NHS: variants seen among roughly 807,000 people sequenced by gnomAD.
The protein encoded by NHS is NHS actin remodeling regulator.
In NHS, 5 loss-of-function variants were observed where a neutral mutation model predicts 72.5. The ratio of observed to expected loss-of-function variants is 0.07; its 90% CI spans 0.04 to 0.14. NHS has a LOEUF of 0.14. NHS is among the 10% of genes least tolerant of loss of function. The pLI, the probability that NHS is intolerant of heterozygous loss-of-function variation, is 1.00. For missense variants in NHS, 1,072 were observed against 1,355.7 expected, an observed-to-expected ratio of 0.79 and a Z score of 3.29; for synonymous variants, 464 against 547.7, an observed-to-expected ratio of 0.85 and a Z score of 2.13.
At chrX:17,693,721 T>G (rs1392637114) in intron 3 of NHS, among the ~76,000 whole-genome samples, 2 of 112,811 alleles carry the variant, frequency 1.8e-5, no homozygotes, top group Non-Finnish European at 3.7e-5. Context: ...GCTCATCAAG[T>G]GCACACTGAG....
intron 1 of NHS, among the ~76,000 whole-genome samples, chrX:17,395,359 G>A (rs1352117104): frequency 8.9e-6 from 1 of 112,225 alleles, no homozygotes; most frequent in African/African-American, 3.2e-5. Context: ...GTGGCTGTAT[G>A]TCTGGTTCTA....
intron 1 of NHS, among the ~76,000 whole-genome samples, chrX:17,598,652 T>C (rs1308140266): frequency 9.0e-6 from 1 of 111,720 alleles, no homozygotes; most frequent in Non-Finnish European, 1.9e-5. Flanking sequence ...AGCTTACAGG[T>C]GGTAAACCTG....
At chrX:17,578,857 C>G (rs1402008036) in intron 1 of NHS, among the ~76,000 whole-genome samples, 1 of 111,907 alleles carries the variant, frequency 8.9e-6, no homozygotes, top group Non-Finnish European at 1.9e-5. Context: ...CGGCACTGCT[C>G]TCATCTCCTG....
chrX:17,657,776 A>G (rs968051418), intron 1 of NHS, among the ~76,000 whole-genome samples: 3 of 112,826 alleles, frequency 2.7e-5, no homozygotes, highest in Non-Finnish European at 5.6e-5. Flanking sequence ...GGATCCAGCC[A>G]TATGTATGGG....
chrX:17,397,180 G>A lies in NHS; in HGVS notation c.565+20858G>A, dbSNP rs187016609. Among the ~76,000 whole-genome samples the A allele has an allele frequency of 2.5e-3, 286 of 112,713 alleles. 4 individuals are homozygous for A. The highest frequency in any genetic ancestry group is 8.8e-3 in the African/African-American group (275 of 31,087). ...GCTTCCTGCTTTCAGCACAGAGCTG[G>A]AAATCTGCAGAACAACCCCAGGAGC... On this transcript the variant is annotated intron_variant, in intron 1 of 8. Coordinates refer to ENST00000676302, the MANE Select transcript of NHS (RefSeq NM_001291867.2).
chrX:17,720,911 G>A (rs748086124), intron 4 of NHS, among the ~76,000 whole-genome samples: 48 of 112,091 alleles, frequency 4.3e-4, no homozygotes, highest in Non-Finnish European at 7.3e-4. Context: ...AAAAAATGCC[G>A]TAGTCCTGGA....
intron 1 of NHS, among the ~76,000 whole-genome samples, chrX:17,430,150 TC>T (rs1282844731): frequency 1.2e-5 from 1 of 80,008 alleles, no homozygotes; most frequent in African/African-American, 4.8e-5. Context: ...CTGCCTTCCT[TC>T]CTTCTTTCTC....
chrX:17,452,493 T>G (rs991023012), intron 1 of NHS, among the ~76,000 whole-genome samples: 1 of 104,047 alleles, frequency 9.6e-6, no homozygotes, highest in Non-Finnish European at 2.0e-5. Context: ...CTTTCTGTGT[T>G]TTTTTTTTTT....
intron 1 of NHS, chrX:17,557,502 C>T (rs1432070730): frequency 9.1e-6 from 1 of 110,313 alleles, no homozygotes; most frequent in Admixed American, 9.7e-5. Context: ...CAAGTATTCA[C>T]CAGGTTATTC....
At chrX:17,688,866 G>C (rs1376171354) in intron 2 of NHS, among the ~76,000 whole-genome samples, 2 of 111,876 alleles carry the variant, frequency 1.8e-5, no homozygotes, top group Non-Finnish European at 3.8e-5. Context: ...TTAGGACAAG[G>C]GGAATAAAAA....
chrX:17,507,202 A>G (rs1268961477), intron 1 of NHS, among the ~76,000 whole-genome samples: 1 of 112,591 alleles, frequency 8.9e-6, no homozygotes, highest in Non-Finnish European at 1.9e-5. Context: ...AAAAGGTGAC[A>G]TCTTCAGATG....
chrX:17,526,841 CT>C (rs2065175804), intron 1 of NHS, among the ~76,000 whole-genome samples: 1 of 112,280 alleles, frequency 8.9e-6, no homozygotes, highest in Admixed American at 9.4e-5. Context: ...GTAGTAAGAG[CT>C]CTATAAATGT....
intron 1 of NHS, among the ~76,000 whole-genome samples, chrX:17,665,352 G>T (rs1219505934): frequency 1.3e-5 from 1 of 77,094 alleles, no homozygotes; most frequent in Non-Finnish European, 2.4e-5. Context: ...TTTTTGAGAC[G>T]GAGTCTCGCT....
chrX:17,565,309 C>G (rs2065437627), intron 1 of NHS, among the ~76,000 whole-genome samples: 1 of 111,989 alleles, frequency 8.9e-6, no homozygotes, highest in Admixed American at 9.5e-5. Context: ...ATCTTCCAGT[C>G]TGCTGACCCT....
intron 3 of NHS, among the ~76,000 whole-genome samples, chrX:17,718,470 AGAAG>A (rs1228239567): frequency 1.1e-5 from 1 of 91,714 alleles, no homozygotes; most frequent in Non-Finnish European, 2.2e-5. Context: ...AAAGAAGGAG[AGAAG>A]GAAGAAAGGA....
At chrX:17,665,472 C>T (rs2066006808) in intron 1 of NHS, among the ~76,000 whole-genome samples, 2 of 107,137 alleles carry the variant, frequency 1.9e-5, no homozygotes, top group African/African-American at 6.8e-5. Context: ...GGACTACAGG[C>T]GCCCGCCACC....
At chrX:17,572,417 AT>A in intron 1 of NHS, among the ~76,000 whole-genome samples, 1 of 106,617 alleles carries the variant, frequency 9.4e-6, no homozygotes, top group East Asian at 2.9e-4. Flanking sequence ...TTACCATTAT[AT>A]AATGGCCTTC....
intron 1 of NHS, among the ~76,000 whole-genome samples, chrX:17,604,427 C>A (rs1357919889): frequency 1.8e-5 from 2 of 112,484 alleles, no homozygotes; most frequent in Non-Finnish European, 3.8e-5. Context: ...TTGGAAGATG[C>A]AGCTCTGTTA....
At chrX:17,449,006 C>T (rs1315728272) in intron 1 of NHS, among the ~76,000 whole-genome samples, 1 of 112,643 alleles carries the variant, frequency 8.9e-6, no homozygotes, top group Admixed American at 9.4e-5. Flanking sequence ...GTCGTTGTCT[C>T]CATTTTTCAG....
Sources: gnomAD v4.1 joint callset for allele counts (sites outside exome capture counted in the v4.1 genomes callset) on GRCh38, gnomAD v4.1.1 for gene constraint, MANE v1.5 for transcripts, NCBI Gene and HGNC (gene_info 2026-07-23, HGNC 2026-07-21) for gene names.